The following RFC1 variants were observed in gnomAD, a reference collection of about 807,000 sequenced individuals.
RFC1 encodes the protein A1 140 kDa subunit.
A neutral mutation model predicts 137.4 loss-of-function variants in RFC1; 37 were observed. That is an observed-to-expected ratio of 0.27 (90% confidence interval 0.21 to 0.35). The LOEUF (loss-of-function observed/expected upper bound fraction) is 0.35, where lower values mean the gene tolerates loss of function less well. Ranked by LOEUF, RFC1 falls within the 10% of genes least tolerant of loss-of-function variation. The pLI, the probability that RFC1 is intolerant of heterozygous loss-of-function variation, is 1.00. For missense variants in RFC1, 1,205 were observed against 1,358.5 expected, an observed-to-expected ratio of 0.89 and a Z score of 1.78; for synonymous variants, 429 against 455.7, an observed-to-expected ratio of 0.94 and a Z score of 0.75.
chr4:39,327,426 AAAACAT>A, intron 5 of RFC1, 92 bp downstream of exon 5: 1 of 608,370 alleles, frequency 1.6e-6, no homozygotes, highest in Non-Finnish European at 2.7e-6. Flanking sequence ...TTTAATTATT[AAAACAT>A]GTTGCCTATT....
chr4:39,326,259 TCC>T (rs1739758731), intron 6 of RFC1, among the ~76,000 whole-genome samples: 2 of 152,280 alleles, frequency 1.3e-5, no homozygotes, highest in African/African-American at 4.8e-5. Context: ...AATTCCAAAG[TCC>T]TTATAATTAA....
At chr4:39,315,577 A>T (rs1258163859) in intron 10 of RFC1, among the ~76,000 whole-genome samples, 1 of 152,206 alleles carries the variant, frequency 6.6e-6, no homozygotes, top group Non-Finnish European at 1.5e-5. Context: ...GACATCTCAC[A>T]TAACCCTAAA....
At position 39,320,482 on chromosome 4, in the gene RFC1, T is replaced by C; in HGVS notation, c.996A>G (p.Glu332=). Reference sequence around the variant, plus strand: ...TTCTTTTTGAGGCCACAGGCTCTATTTCTTTATAAGAGCTCTCTTCTTTTC... The same window carrying C: ...TTCTTTTTGAGGCCACAGGCTCTATCTCTTTATAAGAGCTCTCTTCTTTTC... ...MKRKEESSYK[E]IEPVASKRKE... is the part of the protein sequence containing the mutation. The change falls in exon 9 of 25, where the codon GAA becomes GAG. Residue 332 remains glutamate, a synonymous_variant. Transcript: ENST00000349703. The C allele has an allele frequency of 6.2e-7, 1 of 1,609,206 alleles. No individual in the cohort carries two copies. The highest frequency in any genetic ancestry group is 8.5e-7 in the Non-Finnish European group (1 of 1,178,856).
chr4:39,344,902 A>G (rs1259819756), intron 3 of RFC1, among the ~76,000 whole-genome samples: 2 of 152,334 alleles, frequency 1.3e-5, no homozygotes, highest in Non-Finnish European at 2.9e-5. Flanking sequence ...TTTGGTTCTG[A>G]TAAGTTCTAT....
At chr4:39,326,924 T>C (rs1739800757) in intron 5 of RFC1, among the ~76,000 whole-genome samples, 1 of 152,214 alleles carries the variant, frequency 6.6e-6, no homozygotes. Flanking sequence ...TGTAGATTAA[T>C]GTCTTGGCTT....
At chr4:39,307,726 AAAACAAAAC>A (rs1413516537) in intron 13 of RFC1, among the ~76,000 whole-genome samples, 1 of 122,298 alleles carries the variant, frequency 8.2e-6, no homozygotes, top group Non-Finnish European at 1.9e-5. Flanking sequence ...AAAACAAAAC[AAAACAAAAC>A]AAAAAAAAAA....
intron 4 of RFC1, among the ~76,000 whole-genome samples, chr4:39,328,064 T>C (rs578178047): frequency 2.0e-5 from 3 of 152,050 alleles, no homozygotes; most frequent in African/African-American, 4.8e-5. Flanking sequence ...ACCCAGGAGG[T>C]TGAGGCTGCA....
chr4:39,359,658 T>C (rs2109778124), intron 1 of RFC1, among the ~76,000 whole-genome samples: 1 of 151,816 alleles, frequency 6.6e-6, no homozygotes, highest in East Asian at 1.9e-4. Context: ...CCATCTCTAC[T>C]AAAAATACAA....
chr4:39,302,688 C>G (rs1279452633), intron 17 of RFC1, 49 bp downstream of exon 17: 1 of 1,529,244 alleles, frequency 6.5e-7, no homozygotes, highest in Non-Finnish European at 8.8e-7. Flanking sequence ...AAAATTGACC[C>G]TTAAATAAAT....
chr4:39,362,375 T>C (rs1474432361), intron 1 of RFC1, among the ~76,000 whole-genome samples: 1 of 152,208 alleles, frequency 6.6e-6, no homozygotes, highest in Non-Finnish European at 1.5e-5. Context: ...GAGGACATAC[T>C]TCCTGACTTC....
In RFC1 at chr4:39,351,389, C is replaced by T; in HGVS notation, c.91G>A (p.Glu31Lys). The T allele has an allele frequency of 2.6e-6, 4 of 1,560,584 alleles. No individual in the cohort carries two copies. Among genetic ancestry groups the T allele is most frequent in the Non-Finnish European group, 3.5e-6 (4 of 1,156,972 alleles). Residue 31 changes from glutamate to lysine, a missense_variant, in exon 2 of 25, where the codon GAA becomes AAA. Physicochemically the swap from Glu to Lys is moderately conservative, Grantham distance 56 (BLOSUM62 1). This residue lies in a region of RFC1 where 962 missense variants were observed against 1,035.3 expected (regional missense o/e 0.93). Coordinates refer to ENST00000349703, the MANE Select transcript of RFC1 (RefSeq NM_002913.5). ...CCTTTCTTTGCTTTTAAAGTTTCTT[C>T]ATCAGACTTTGTTTTCTCATTCTTC... ...VKKNEKTKSDEETLKAKKGIK... is the reference protein window; with the variant it reads ...VKKNEKTKSDKETLKAKKGIK...
At chr4:39,345,545 G>T in intron 2 of RFC1, 69 bp from the exon 3 acceptor site, 1 of 1,230,396 alleles carries the variant, frequency 8.1e-7, no homozygotes, top group South Asian at 1.3e-5. Context: ...TTTTGAGACG[G>T]AGTCTCACTC....
At chr4:39,290,414 G>GCAAA (rs1014745493) in intron 23 of RFC1, among the ~76,000 whole-genome samples, 2 of 151,394 alleles carry the variant, frequency 1.3e-5, no homozygotes, top group African/African-American at 4.8e-5. Flanking sequence ...GGAACTTTAG[G>GCAAA]CAAACAAACA....
intron 24 of RFC1, among the ~76,000 whole-genome samples, chr4:39,289,240 A>T (rs965952246): frequency 4.6e-5 from 7 of 152,208 alleles, no homozygotes; most frequent in Non-Finnish European, 8.8e-5. Flanking sequence ...ATTTTGTGAA[A>T]GCAGAAGAGA....
intron 1 of RFC1, among the ~76,000 whole-genome samples, chr4:39,352,109 A>C (rs559637311): frequency 6.6e-6 from 1 of 152,282 alleles, no homozygotes; most frequent in South Asian, 2.1e-4. Flanking sequence ...GCAGTTACTT[A>C]TTATTGATCA....
In RFC1 at chr4:39,366,333, T is replaced by G. The variant is rs545822275; in HGVS notation, c.-92A>C. 8.0e-5 allele frequency: 109 copies of G among 1,361,238 alleles called. No homozygotes were observed. The East Asian group carries it at 2.6e-3, about 32-fold the overall frequency. The allele number at this position is 1,361,238 out of a possible 1,614,324, so 84.3% of individuals were successfully genotyped here. On this transcript the variant is annotated 5_prime_UTR_variant, in exon 1 of 25. Transcript: ENST00000349703. Reference sequence around the variant, plus strand: ...CTCAGGATCCATTCGCGCCAACAACTTCTCCCGCGAAGTGCAAGAAGGCGA... The same window carrying G: ...CTCAGGATCCATTCGCGCCAACAACGTCTCCCGCGAAGTGCAAGAAGGCGA...
At chr4:39,323,985 C>T (rs1739644601) in intron 6 of RFC1, among the ~76,000 whole-genome samples, 1 of 152,150 alleles carries the variant, frequency 6.6e-6, no homozygotes. Flanking sequence ...AGGAGTTCTA[C>T]TAACATGCTA....
At position 39,366,223 on chromosome 4, in the gene RFC1, TC is replaced by T; in HGVS notation, c.3+15del. On this transcript the variant is annotated intron_variant, in intron 1 of 24. Coordinates refer to ENST00000349703, the MANE Select transcript of RFC1 (RefSeq NM_002913.5). ...CCCCCAGACCCCGAGCCGCACGGCC[TC>T]CCCCAGCGGCTCACCATCGCAGCCC... 1.3e-6 allele frequency: 2 copies of T among 1,552,352 alleles called. No homozygotes were observed. Among genetic ancestry groups the T allele is most frequent in the Admixed American group, 1.9e-5 (1 of 52,412 alleles).
Position 39,329,563 on chromosome 4 carries a change from CAAAAAAA to C in RFC1, c.332-1814_332-1808del, listed in dbSNP as rs889294160. Among the ~76,000 whole-genome samples, 288 of 128,446 alleles carry C rather than the reference CAAAAAAA, an allele frequency of 2.2e-3. 2 individuals carry two copies. Among genetic ancestry groups the C allele is most frequent in the African/African-American group, 7.8e-3 (272 of 34,808 alleles). The allele number at this position is 128,446 out of a possible 152,430, so 84.3% of individuals were successfully genotyped here. ...TGGGAGACAGAGCAAGACTCTGTCTCAAAAAAAAAAAAGAAAAAGAAAAATTAAGCTG... is the reference window on the plus strand; with the variant it reads ...TGGGAGACAGAGCAAGACTCTGTCTCAAAAAGAAAAAGAAAAATTAAGCTG... On this transcript the variant is annotated intron_variant, in intron 4 of 24. Coordinates refer to ENST00000349703, the MANE Select transcript of RFC1 (RefSeq NM_002913.5).
Sources: allele counts gnomAD v4.1 joint callset (sites outside exome capture counted in the v4.1 genomes callset), GRCh38; gene constraint gnomAD v4.1.1; regional missense constraint gnomAD v4.1.1; transcripts MANE v1.5; gene names NCBI Gene and HGNC (gene_info 2026-07-23, HGNC 2026-07-21).